MSRB3: variants seen among roughly 807,000 people sequenced by gnomAD.
The protein encoded by MSRB3 is methionine-R-sulfoxide reductase B3.
MSRB3 carries 13 observed loss-of-function variants against 21.0 expected under a neutral mutation model. The observed-to-expected ratio is 0.62, with a 90% CI of 0.40 to 0.98. The LOEUF (loss-of-function observed/expected upper bound fraction) is 0.98. Among genes scored for constraint, MSRB3 ranks in the 50% least tolerant of loss-of-function variants. MSRB3 has a pLI of 0.00. For missense variants in MSRB3, 199 were observed against 230.3 expected (o/e 0.86, Z 0.88); for synonymous variants, 87 against 88.6 (o/e 0.98, Z 0.10).
intron 2 of MSRB3, among the ~76,000 whole-genome samples, chr12:65,325,606 A>G (rs1266912429): frequency 2.0e-5 from 3 of 151,838 alleles, no homozygotes; most frequent in Non-Finnish European, 4.4e-5. Context: ...GCGATCTCAT[A>G]CTATGACATT....
chr12:65,283,276 C>T (rs953438596), intron 1 of MSRB3, among the ~76,000 whole-genome samples: 1 of 152,166 alleles, frequency 6.6e-6, no homozygotes, highest in African/African-American at 2.4e-5. Context: ...GTGACATTTT[C>T]TTCATACCAC....
chr12:65,305,066 A>AT, intron 1 of MSRB3: 1 of 147,864 alleles, frequency 6.8e-6, no homozygotes, highest in Non-Finnish European at 1.5e-5. Context: ...CTTTTTTGTT[A>AT]TTTTTCTTTT....
intron 4 of MSRB3, among the ~76,000 whole-genome samples, chr12:65,359,680 G>T (rs1328945854): frequency 6.6e-6 from 1 of 152,146 alleles, no homozygotes; most frequent in Non-Finnish European, 1.5e-5. Flanking sequence ...TGCAGAAGCA[G>T]CTGCCCAATG....
At chr12:65,442,352 A>C (rs1355347733) in intron 5 of MSRB3, among the ~76,000 whole-genome samples, 1 of 152,042 alleles carries the variant, frequency 6.6e-6, no homozygotes, top group African/African-American at 2.4e-5. Context: ...CCAACCAAAA[A>C]ATGTAAGTAA....
In MSRB3 at chr12:65,463,763, C is replaced by G; in HGVS notation, c.*441C>G. Reference sequence around the variant, plus strand: ...GCCTTGAGGCCTTTGCACAGACCCACCTAAGATAAGGTTGGAGTGATGTTT... The same window carrying G: ...GCCTTGAGGCCTTTGCACAGACCCAGCTAAGATAAGGTTGGAGTGATGTTT... On this transcript the variant is annotated 3_prime_UTR_variant, in exon 7 of 7. Coordinates refer to ENST00000308259, the MANE Select transcript of MSRB3 (RefSeq NM_001031679.3). 5.8e-6 allele frequency: 1 copy of G among 172,958 alleles called. No individual in the cohort carries two copies. Among genetic ancestry groups the G allele is most frequent in the South Asian group, 1.4e-4 (1 of 7,334 alleles). 10.7% of individuals were successfully genotyped at this position (172,958 alleles called of 1,614,324 possible).
At chr12:65,457,720 A>G (rs1883153132) in intron 6 of MSRB3, among the ~76,000 whole-genome samples, 1 of 151,830 alleles carries the variant, frequency 6.6e-6, no homozygotes, top group Non-Finnish European at 1.5e-5. Context: ...GCTAATATCC[A>G]GAATCTACAA....
At chr12:65,456,460 C>A (rs2136707929) in intron 6 of MSRB3, among the ~76,000 whole-genome samples, 1 of 152,236 alleles carries the variant, frequency 6.6e-6, no homozygotes, top group East Asian at 1.9e-4. Context: ...TGAAGATGTC[C>A]TACAGTGACC....
At chr12:65,354,751 A>T (rs1249925633) in intron 4 of MSRB3, among the ~76,000 whole-genome samples, 1 of 151,942 alleles carries the variant, frequency 6.6e-6, no homozygotes, top group Non-Finnish European at 1.5e-5. Flanking sequence ...AGAACCAGTC[A>T]TTTGAGTTGG....
At chr12:65,413,933 TG>T (rs1448552203) in intron 5 of MSRB3, among the ~76,000 whole-genome samples, 1 of 152,084 alleles carries the variant, frequency 6.6e-6, no homozygotes, top group Non-Finnish European at 1.5e-5. Context: ...GTAGATATTC[TG>T]GGGGAAAATG....
intron 1 of MSRB3, among the ~76,000 whole-genome samples, chr12:65,298,570 G>C (rs997527707): frequency 2.0e-5 from 3 of 152,136 alleles, no homozygotes; most frequent in African/African-American, 7.2e-5. Context: ...TGATGTCAAA[G>C]GATAGTTGAT....
chr12:65,427,998 C>A (rs1381770036), intron 5 of MSRB3, among the ~76,000 whole-genome samples: 3 of 152,286 alleles, frequency 2.0e-5, no homozygotes, highest in African/African-American at 7.2e-5. Context: ...AAGAGGTGTC[C>A]AGAGTTGAGG....
chr12:65,365,651 C>A (rs1341643676), intron 4 of MSRB3, among the ~76,000 whole-genome samples: 1 of 151,900 alleles, frequency 6.6e-6, no homozygotes, highest in Admixed American at 6.6e-5. Context: ...AGGGCCTGGG[C>A]AAGAGGACAA....
intron 1 of MSRB3, among the ~76,000 whole-genome samples, chr12:65,306,618 C>T (rs939505615): frequency 6.6e-6 from 1 of 152,154 alleles, no homozygotes; most frequent in Non-Finnish European, 1.5e-5. Flanking sequence ...AAAGACTAGA[C>T]TGCTCTAAAA....
intron 6 of MSRB3, among the ~76,000 whole-genome samples, chr12:65,455,454 G>T (rs769008435): frequency 8.5e-5 from 13 of 152,196 alleles, no homozygotes; most frequent in Admixed American, 2.0e-4. Flanking sequence ...GGTTTAGTGT[G>T]GGGAGCAGCA....
rs1883513388 is a variant in MSRB3, at chr12:65,465,233, TAA to T, written c.*1913_*1914del. On this transcript the variant is annotated 3_prime_UTR_variant, in exon 7 of 7. Transcript: ENST00000308259. The stretch of plus-strand genomic sequence containing the variant: ...GCGGAATGGATGTCACTGTGCACAA[TAA>T]AGTTTTCACAAGTATAAACAATGGT... The T allele has an allele frequency of 1.3e-5, 2 of 152,204 alleles. No homozygotes were observed. Among genetic ancestry groups the T allele is most frequent in the Non-Finnish European group, 2.9e-5 (2 of 68,038 alleles). 9.4% of individuals were successfully genotyped at this position (152,204 alleles called of 1,614,324 possible).
rs143021434 is a variant in MSRB3, at chr12:65,329,773, C to T, written c.263+1170C>T. Reference sequence around the variant, plus strand: ...ACTTAATATCTCTCCATAAATGTTTCTCTTTTAAAAAACCAGCATTTACTG... The same window carrying T: ...ACTTAATATCTCTCCATAAATGTTTTTCTTTTAAAAAACCAGCATTTACTG... On this transcript the variant is annotated intron_variant, in intron 4 of 6. Coordinates refer to ENST00000308259, the MANE Select transcript of MSRB3 (RefSeq NM_001031679.3). Among the ~76,000 whole-genome samples, 461 of 152,196 alleles carry T rather than the reference C, an allele frequency of 3.0e-3. 2 individuals carry two copies. The highest frequency in any genetic ancestry group is 0.011 in the African/African-American group (439 of 41,524).
chr12:65,359,801 C>T lies in MSRB3; in HGVS notation c.264-9197C>T, dbSNP rs78007497. On this transcript the variant is annotated intron_variant, in intron 4 of 6. Transcript: ENST00000308259. ...AGTTAAAGTGTGGAAGAACTGTATA[C>T]GTTTTGTTTGATTTGGCTAACTTCT... Among the ~76,000 whole-genome samples, 401 of 152,182 alleles carry T rather than the reference C, an allele frequency of 2.6e-3. 4 individuals are homozygous for T. The highest frequency in any genetic ancestry group is 9.3e-3 in the African/African-American group (388 of 41,526).
chr12:65,375,837 A>C lies in MSRB3; in HGVS notation c.292+6811A>C, dbSNP rs189680962. On this transcript the variant is annotated intron_variant, in intron 5 of 6. Coordinates refer to ENST00000308259, the MANE Select transcript of MSRB3 (RefSeq NM_001031679.3). Reference sequence around the variant, plus strand: ...TAAATTTCCAAATTTTCTACCTTCTACTTTTATTAATGTTTTTCAGTTTTA... The same window carrying C: ...TAAATTTCCAAATTTTCTACCTTCTCCTTTTATTAATGTTTTTCAGTTTTA... 7.5e-3 allele frequency among the ~76,000 whole-genome samples: 1,141 copies of C among 151,272 alleles called. 14 individuals are homozygous for C. Among genetic ancestry groups the C allele is most frequent in the Non-Finnish European group, 9.2e-3 (626 of 67,816 alleles).
At chr12:65,347,477 G>A (rs1234414038) in intron 4 of MSRB3, among the ~76,000 whole-genome samples, 1 of 152,190 alleles carries the variant, frequency 6.6e-6, no homozygotes, top group Non-Finnish European at 1.5e-5. Flanking sequence ...AGCTTAAGGA[G>A]ATTTTGGGCT....
Sources: gnomAD v4.1 joint callset for allele counts (sites outside exome capture counted in the v4.1 genomes callset) on GRCh38, gnomAD v4.1.1 for gene constraint, MANE v1.5 for transcripts, NCBI Gene and HGNC (gene_info 2026-07-23, HGNC 2026-07-21) for gene names.